Variants in NTRK3 observed in about 807,000 individuals in gnomAD.
The protein encoded by NTRK3 is neurotrophic receptor tyrosine kinase 3.
Under a neutral mutation model 91.7 loss-of-function variants are expected in NTRK3, and 24 were observed. The observed-to-expected ratio is 0.26, with a 90% confidence interval of 0.19 to 0.37. The LOEUF (loss-of-function observed/expected upper bound fraction) is 0.37. NTRK3 is among the 10% of genes least tolerant of loss of function. The probability of loss-of-function intolerance (pLI) is 1.00; values close to 1 mark genes in which losing one functional copy is unlikely to be tolerated. For synonymous variants in NTRK3, 483 were observed against 404.0 expected (o/e 1.20, Z -2.34); for missense variants, 880 against 1,068.9 (o/e 0.82, Z 2.46).
rs557195643 is a variant in NTRK3, at chr15:88,235,512, G to C, written c.248+20394C>G. ...TTTCTGGTGGGACCAGGCCCTCTTC[G>C]AGTGGCATTCATCTATCCCTTGCAC... On this transcript the variant is annotated intron_variant, in intron 3 of 18. Coordinates refer to ENST00000394480, the Ensembl canonical transcript of NTRK3. This position sits in a 1 kb window ranked among gnomAD's most constrained non-coding sequence, Gnocchi z 5.2. Among the ~76,000 whole-genome samples the C allele has an allele frequency of 4.6e-5, 7 of 152,130 alleles. No homozygotes were observed. The highest frequency in any genetic ancestry group is 1.3e-4 in the Admixed American group (2 of 15,274).
chr15:88,136,625 AGTG>A lies in NTRK3; in HGVS notation c.623-19_623-17del. 6.2e-7 allele frequency: 1 copy of A among 1,610,494 alleles called. No individual in the cohort carries two copies. The highest frequency in any genetic ancestry group is 8.5e-7 in the Non-Finnish European group (1 of 1,179,042). Reference sequence around the variant, plus strand: ...TCAGGAAGGTCTGGGAGCCAGACAAAGTGGGTGAAAAGACAGGCAAACACTTAC... The same window carrying A: ...TCAGGAAGGTCTGGGAGCCAGACAAAGGTGAAAAGACAGGCAAACACTTAC... On this transcript the variant is annotated splice_polypyrimidine_tract_variant and intron_variant, in intron 7 of 18. Coordinates refer to ENST00000394480, the Ensembl canonical transcript of NTRK3.
chr15:88,253,161 C>G (rs1432047290), intron 3 of NTRK3: 2 of 152,270 alleles, frequency 1.3e-5, no homozygotes, highest in Non-Finnish European at 2.9e-5. Context: ...CCACCAGCAT[C>G]AAGAGCTTCA....
intron 3 of NTRK3, among the ~76,000 whole-genome samples, chr15:88,244,528 G>T (rs543012808): frequency 6.6e-6 from 1 of 150,708 alleles, no homozygotes; most frequent in South Asian, 2.1e-4. Flanking sequence ...GCTGAATCAA[G>T]CTGGTTTGCC....
chr15:88,021,613 C>T (rs1461924096), intron 14 of NTRK3, among the ~76,000 whole-genome samples: 1 of 151,944 alleles, frequency 6.6e-6, no homozygotes, highest in Non-Finnish European at 1.5e-5. Flanking sequence ...AATGCCTATT[C>T]GTATCCTTCA....
chr15:88,103,489 A>T lies in NTRK3; in HGVS notation c.1396+22782T>A, dbSNP rs1045757936. ...TGGTATGAGAGAGGCAGAGAAGAAC[A>T]TGATTTTTTCTGATTCACCAGAGTG... On this transcript the variant is annotated intron_variant, in intron 13 of 18. Coordinates refer to ENST00000394480, the Ensembl canonical transcript of NTRK3. Among the ~76,000 whole-genome samples the T allele has an allele frequency of 2.0e-5, 3 of 152,178 alleles. No individual in the cohort carries two copies. The East Asian group carries it at 5.8e-4, about 29-fold the overall frequency.
intron 3 of NTRK3, among the ~76,000 whole-genome samples, chr15:88,216,920 C>T (rs78976306): frequency 6.6e-6 from 1 of 152,110 alleles, no homozygotes; most frequent in Non-Finnish European, 1.5e-5. Flanking sequence ...TTGGTGGTGA[C>T]CCCAAAGTAC....
chr15:88,096,310 G>T (rs903873444), intron 13 of NTRK3, among the ~76,000 whole-genome samples: 8 of 152,164 alleles, frequency 5.3e-5, no homozygotes, highest in African/African-American at 1.9e-4. Flanking sequence ...CATTTTGCCT[G>T]GTTAGCCAGA....
exon 19 of NTRK3, chr15:87,863,603 T>C (rs976372293): frequency 9.1e-6 from 2 of 220,994 alleles, no homozygotes; most frequent in African/African-American, 4.5e-5. Flanking sequence ...GAACAGTTAA[T>C]GCGTGCCAAA....
exon 19 of NTRK3, chr15:87,868,277 T>C (rs2064741834): frequency 4.4e-6 from 1 of 228,238 alleles, no homozygotes; most frequent in African/African-American, 2.2e-5. Context: ...ACAATGCTGA[T>C]AATTGCTTTT....
At chr15:87,868,736 G>C in exon 19 of NTRK3, 1 of 221,874 alleles carries the variant, frequency 4.5e-6, no homozygotes, top group Non-Finnish European at 9.0e-6. Context: ...TGGAATTATA[G>C]AGTGAGTCTG....
At chr15:87,912,837 G>T (rs1393649209) in intron 17 of NTRK3, among the ~76,000 whole-genome samples, 3 of 150,756 alleles carry the variant, frequency 2.0e-5, no homozygotes, top group African/African-American at 7.3e-5. Context: ...CATATCCAGA[G>T]AATGTTGATA....
At chr15:88,003,549 C>T (rs149159249) in intron 14 of NTRK3, among the ~76,000 whole-genome samples, 1,597 of 152,206 alleles carry the variant, frequency 0.01, 18 homozygotes, top group South Asian at 0.013. Context: ...AAGTAACTTG[C>T]CAATGTTACA....
chr15:88,006,200 T>A (rs909474204), intron 14 of NTRK3, among the ~76,000 whole-genome samples: 3 of 152,120 alleles, frequency 2.0e-5, no homozygotes, highest in African/African-American at 7.2e-5. Context: ...CCCAAAAAAA[T>A]TTTTCCCACA....
chr15:88,204,648 T>G (rs950971811), intron 3 of NTRK3, among the ~76,000 whole-genome samples: 7 of 152,128 alleles, frequency 4.6e-5, no homozygotes, highest in African/African-American at 1.4e-4. Flanking sequence ...CTAGGAGGTG[T>G]TAAAAATTCT....
intron 14 of NTRK3, among the ~76,000 whole-genome samples, chr15:87,983,316 C>A (rs1220678079): frequency 6.6e-6 from 1 of 152,262 alleles, no homozygotes; most frequent in East Asian, 1.9e-4. Flanking sequence ...GGCATCCCAC[C>A]CCAGTCAGGG....
intron 14 of NTRK3, among the ~76,000 whole-genome samples, chr15:87,994,528 C>A (rs2075539193): frequency 6.6e-6 from 1 of 152,194 alleles, no homozygotes; most frequent in African/African-American, 2.4e-5. Context: ...TGGAACAGAT[C>A]CTTCCCTAGT....
chr15:88,250,968 T>C (rs1410585477), intron 3 of NTRK3, among the ~76,000 whole-genome samples: 1 of 152,252 alleles, frequency 6.6e-6, no homozygotes, highest in Non-Finnish European at 1.5e-5. Context: ...AGCAATGGGC[T>C]GAAAGCTTTG....
At chr15:87,941,408 C>A (rs896002968) in intron 14 of NTRK3, among the ~76,000 whole-genome samples, 1 of 151,866 alleles carries the variant, frequency 6.6e-6, no homozygotes, top group African/African-American at 2.4e-5. Flanking sequence ...AGAGCTTGGC[C>A]CAGTGATGAG....
chr15:87,967,630 A>G (rs1047693921), intron 14 of NTRK3, among the ~76,000 whole-genome samples: 2 of 152,138 alleles, frequency 1.3e-5, no homozygotes, highest in Admixed American at 1.3e-4. Flanking sequence ...GCTCTCACCA[A>G]TGGGATTTTG....
Sources: allele counts gnomAD v4.1 joint callset (sites outside exome capture counted in the v4.1 genomes callset), GRCh38; gene constraint gnomAD v4.1.1; non-coding constraint Gnocchi (gnomAD v3.1); transcripts MANE v1.5; gene names NCBI Gene and HGNC (gene_info 2026-07-23, HGNC 2026-07-21).